Variants in ASXL2 observed in about 807,000 individuals in gnomAD.
ASXL2 encodes the protein ASXL transcriptional regulator 2.
Under a neutral mutation model 122.0 loss-of-function variants are expected in ASXL2, and 23 were observed. The observed-to-expected ratio is 0.19, with a 90% CI of 0.14 to 0.27. The LOEUF is 0.27. Ranked by LOEUF, ASXL2 falls within the 10% of genes least tolerant of loss-of-function variation. The pLI is 1.00. For synonymous variants in ASXL2, 650 were observed against 637.0 expected, an observed-to-expected ratio of 1.02 and a Z score of -0.31; for missense variants, 1,518 against 1,713.8, an observed-to-expected ratio of 0.89 and a Z score of 2.02.
At position 25,841,763 on chromosome 2, in the gene ASXL2, C is replaced by T. The variant is rs559062532; in HGVS notation, c.140+3718G>A. 4.6e-5 allele frequency among the ~76,000 whole-genome samples: 7 copies of T among 152,136 alleles called. No individual in the cohort carries two copies. In the East Asian group the frequency reaches 1.4e-3, roughly 29 times the overall value. On this transcript the variant is annotated intron_variant, in intron 2 of 12. Transcript: ENST00000435504. ...GAGATCGAGACCATCCTGGCTAACA[C>T]AGTGAAACCCCATCTCTACTACAAA...
intron 5 of ASXL2, among the ~76,000 whole-genome samples, chr2:25,782,292 C>T (rs1287411792): frequency 2.6e-5 from 4 of 152,020 alleles, no homozygotes; most frequent in East Asian, 1.9e-4. Context: ...TGCCTGTAAT[C>T]CCAGCACTTT....
chr2:25,796,556 G>A (rs148656168), intron 5 of ASXL2, among the ~76,000 whole-genome samples: 2 of 152,324 alleles, frequency 1.3e-5, no homozygotes, highest in Non-Finnish European at 2.9e-5. Flanking sequence ...GGAAGCTGCA[G>A]CAACAGACAT....
At chr2:25,764,248 T>C (rs1331537088) in intron 8 of ASXL2, among the ~76,000 whole-genome samples, 1 of 152,192 alleles carries the variant, frequency 6.6e-6, no homozygotes, top group African/African-American at 2.4e-5. Context: ...ACTAAATATC[T>C]TGGGACATTT....
At chr2:25,863,187 G>T (rs1423578499) in intron 1 of ASXL2, among the ~76,000 whole-genome samples, 3 of 151,066 alleles carry the variant, frequency 2.0e-5, no homozygotes, top group African/African-American at 7.3e-5. Context: ...AAAATTAGCC[G>T]GGCGTGGTGG....
At chr2:25,836,665 T>C (rs2089515596) in intron 2 of ASXL2, among the ~76,000 whole-genome samples, 1 of 152,192 alleles carries the variant, frequency 6.6e-6, no homozygotes, top group Admixed American at 6.5e-5. Context: ...TTGAGCATAA[T>C]CTTTGCTGGG....
At chr2:25,803,222 C>A (rs1408530740) in intron 4 of ASXL2, among the ~76,000 whole-genome samples, 4 of 152,224 alleles carry the variant, frequency 2.6e-5, no homozygotes, top group Non-Finnish European at 5.9e-5. Context: ...GGAGAGGGCA[C>A]ACAAGCTCTG....
chr2:25,861,760 C>G (rs1220709855), intron 1 of ASXL2, among the ~76,000 whole-genome samples: 2 of 152,174 alleles, frequency 1.3e-5, no homozygotes, highest in African/African-American at 4.8e-5. Context: ...TACAATAAGC[C>G]TCTTGGGACA....
chr2:25,741,552 G>A lies in ASXL2; in HGVS notation c.*477C>T. 4.3e-6 allele frequency: 1 copy of A among 232,978 alleles called. No homozygotes were observed. Among genetic ancestry groups the A allele is most frequent in the East Asian group, 6.2e-5 (1 of 16,118 alleles). The allele number at this position is 232,978 out of a possible 1,614,324, so 14.4% of individuals were successfully genotyped here. A position where few individuals can be genotyped will look rare whatever the true frequency, so the allele number is the denominator to read the frequency against. On this transcript the variant is annotated 3_prime_UTR_variant, in exon 13 of 13. Transcript: ENST00000435504. ...CTGAATAATCTATGAATAACCTGCGGCCAGACTGTCCAGACAAAATCAGTG... is the reference window on the plus strand; with the variant it reads ...CTGAATAATCTATGAATAACCTGCGACCAGACTGTCCAGACAAAATCAGTG...
At chr2:25,790,813 T>C (rs1249597923) in intron 5 of ASXL2, among the ~76,000 whole-genome samples, 1 of 147,710 alleles carries the variant, frequency 6.8e-6, no homozygotes, top group Non-Finnish European at 1.5e-5. Context: ...TTTTTTTTTT[T>C]TTTTTTTTGA....
At chr2:25,747,848 G>GT (rs1012605509) in intron 12 of ASXL2, among the ~76,000 whole-genome samples, 1 of 152,100 alleles carries the variant, frequency 6.6e-6, no homozygotes, top group Non-Finnish European at 1.5e-5. Context: ...CCATAGATTC[G>GT]TAAGTGCTAA....
At chr2:25,822,958 T>G in intron 3 of ASXL2, 2 of 511,900 alleles carry the variant, frequency 3.9e-6, no homozygotes, top group Non-Finnish European at 7.8e-6. Context: ...TAAGGAATAC[T>G]GTCATCACCT....
chr2:25,794,189 A>G (rs1478066484), intron 5 of ASXL2, among the ~76,000 whole-genome samples: 2 of 152,250 alleles, frequency 1.3e-5, no homozygotes, highest in Admixed American at 6.5e-5. Flanking sequence ...CTGAACAAGC[A>G]GTAAAATTAA....
chr2:25,806,964 T>C (rs942947568), intron 3 of ASXL2, among the ~76,000 whole-genome samples: 12 of 152,010 alleles, frequency 7.9e-5, no homozygotes, highest in Admixed American at 2.6e-4. Flanking sequence ...ACAGTTAATT[T>C]TGCACCAACC....
At chr2:25,857,512 A>G (rs1314202128) in intron 1 of ASXL2, among the ~76,000 whole-genome samples, 2 of 152,222 alleles carry the variant, frequency 1.3e-5, no homozygotes, top group Admixed American at 1.3e-4. Context: ...ATGGAGCTAC[A>G]CTGGCTACCT....
chr2:25,786,000 A>G (rs1264835263), intron 5 of ASXL2, among the ~76,000 whole-genome samples: 2 of 152,232 alleles, frequency 1.3e-5, no homozygotes, highest in Non-Finnish European at 2.9e-5. Context: ...AATAAAATCT[A>G]TGATACAGAT....
chr2:25,746,112 A>C (rs2087937162), intron 12 of ASXL2, among the ~76,000 whole-genome samples: 1 of 152,206 alleles, frequency 6.6e-6, no homozygotes, highest in South Asian at 2.1e-4. Context: ...AAGATGTTCT[A>C]AAGCATTTAA....
At chr2:25,774,877 C>G (rs1267647964) in intron 5 of ASXL2, among the ~76,000 whole-genome samples, 1 of 152,170 alleles carries the variant, frequency 6.6e-6, no homozygotes, top group South Asian at 2.1e-4. Flanking sequence ...ATTTCAATCT[C>G]CTGGTTGCTG....
chr2:25,775,649 G>A (rs540956852), intron 5 of ASXL2, among the ~76,000 whole-genome samples: 40 of 151,966 alleles, frequency 2.6e-4, no homozygotes, highest in African/African-American at 9.4e-4. Flanking sequence ...CTTCCCCTTC[G>A]CCTTCTGCCA....
intron 8 of ASXL2, among the ~76,000 whole-genome samples, chr2:25,761,106 A>T (rs2149147675): frequency 6.6e-6 from 1 of 152,332 alleles, no homozygotes; most frequent in East Asian, 1.9e-4. Flanking sequence ...GGTTTAGCAA[A>T]AACATAAATG....
Sources: allele counts gnomAD v4.1 joint callset (sites outside exome capture counted in the v4.1 genomes callset), GRCh38; gene constraint gnomAD v4.1.1; transcripts MANE v1.5; gene names NCBI Gene and HGNC (gene_info 2026-07-23, HGNC 2026-07-21).